Variants in CAST observed in about 807,000 individuals in gnomAD.
CAST encodes the protein MIR583 host.
CAST carries 76 observed loss-of-function variants against 119.6 expected under a neutral mutation model. The observed-to-expected ratio is 0.64, with a 90% CI of 0.53 to 0.77. The LOEUF is 0.77. CAST is among the 30% of genes least tolerant of loss of function. The pLI, the probability that CAST is intolerant of heterozygous loss-of-function variation, is 0.00. For synonymous variants in CAST, 319 were observed against 331.6 expected (o/e 0.96, Z 0.41); for missense variants, 953 against 946.5 (o/e 1.01, Z -0.09).
At chr5:96,267,022 G>A in the CAST span, among the ~76,000 whole-genome samples, 3 of 152,304 alleles carry the variant, frequency 2.0e-5, no homozygotes, top group South Asian at 4.1e-4. Flanking sequence ...AAATGCATTT[G>A]CTGAACTGAA....
chr5:96,465,350 AATG>A, the CAST span, among the ~76,000 whole-genome samples: 1 of 152,106 alleles, frequency 6.6e-6, no homozygotes, highest in Non-Finnish European at 1.5e-5. Context: ...ATGTACAAAT[AATG>A]ATAATTTTGG....
chr5:96,076,106 T>A, the CAST span, among the ~76,000 whole-genome samples: 5 of 152,164 alleles, frequency 3.3e-5, no homozygotes, highest in Non-Finnish European at 2.9e-5. Context: ...TAGGTCAAGA[T>A]GGTCTGTTTT....
Position 96,549,251 on chromosome 5 carries a change from C to A in CAST, c.60+19371C>A, listed in dbSNP as rs140033036. Among the ~76,000 whole-genome samples the A allele has an allele frequency of 3.0e-3, 462 of 152,184 alleles. 1 individual carries two copies. Among genetic ancestry groups the A allele is most frequent in the African/African-American group, 0.011 (442 of 41,526 alleles). On this transcript the variant is annotated intron_variant, in intron 1 of 11. Transcript: ENST00000505143. ...ATGGACCAAAATTTCGAAATAGACT[C>A]AAAGGTATGTTGGCATTTGGCATAC... is the stretch of plus-strand genomic sequence containing the variant.
the CAST span, among the ~76,000 whole-genome samples, chr5:96,101,327 A>G: frequency 6.6e-6 from 1 of 152,336 alleles, no homozygotes; most frequent in South Asian, 2.1e-4. Context: ...AATAGTATTT[A>G]CCTTACAGAA....
chr5:96,691,127 G>C (rs1752678999), intron 2 of CAST, among the ~76,000 whole-genome samples: 1 of 152,104 alleles, frequency 6.6e-6, no homozygotes, highest in Non-Finnish European at 1.5e-5. Context: ...TACTTGATCT[G>C]CAATGCCAAT....
chr5:96,462,753 G>A, the CAST span, among the ~76,000 whole-genome samples: 1 of 152,076 alleles, frequency 6.6e-6, no homozygotes, highest in African/African-American at 2.4e-5. Context: ...TGTGTCAAGG[G>A]ACAAACCTGG....
chr5:95,976,227 CTTAAAAATA>C, the CAST span, among the ~76,000 whole-genome samples: 1 of 151,420 alleles, frequency 6.6e-6, no homozygotes, highest in African/African-American at 2.4e-5. Flanking sequence ...ACATCAACCA[CTTAAAAATA>C]TTTTTGGACA....
chr5:96,260,443 C>T, the CAST span, among the ~76,000 whole-genome samples: 1 of 152,188 alleles, frequency 6.6e-6, no homozygotes, highest in Non-Finnish European at 1.5e-5. Context: ...GTGAACCACT[C>T]ACTCACCCCT....
the CAST span, among the ~76,000 whole-genome samples, chr5:96,020,943 A>C: frequency 6.7e-6 from 1 of 150,118 alleles, no homozygotes; most frequent in East Asian, 2.0e-4. Context: ...CATTTGTTTC[A>C]CATTCTATTT....
chr5:96,506,615 G>C, the CAST span, among the ~76,000 whole-genome samples: 2 of 152,114 alleles, frequency 1.3e-5, no homozygotes, highest in African/African-American at 4.8e-5. Context: ...AAGAGCTAAT[G>C]TGGGAAAGTA....
At chr5:96,213,026 G>A in the CAST span, among the ~76,000 whole-genome samples, 1 of 152,288 alleles carries the variant, frequency 6.6e-6, no homozygotes, top group Non-Finnish European at 1.5e-5. Context: ...GGCTGAGGCA[G>A]GAGGATTGCT....
chr5:96,152,154 G>A, the CAST span, among the ~76,000 whole-genome samples: 1 of 152,154 alleles, frequency 6.6e-6, no homozygotes, highest in African/African-American at 2.4e-5. Context: ...CAAAGTAATC[G>A]AGGTAAGATG....
chr5:96,177,970 A>G, the CAST span, among the ~76,000 whole-genome samples: 12 of 152,248 alleles, frequency 7.9e-5, no homozygotes. Context: ...CAATTGACAT[A>G]AAATATATCT....
chr5:96,380,281 T>A, the CAST span, among the ~76,000 whole-genome samples: 14 of 152,306 alleles, frequency 9.2e-5, no homozygotes, highest in Admixed American at 4.6e-4. Context: ...CATAATTTTT[T>A]AAAAAATTCC....
the CAST span, among the ~76,000 whole-genome samples, chr5:96,158,522 G>A: frequency 6.6e-6 from 1 of 152,086 alleles, no homozygotes; most frequent in African/African-American, 2.4e-5. Context: ...TTAAAGTCGG[G>A]GGGAGGACAG....
At chr5:96,379,334 A>T in the CAST span, among the ~76,000 whole-genome samples, 2 of 152,126 alleles carry the variant, frequency 1.3e-5, no homozygotes, top group African/African-American at 4.8e-5. Context: ...TGCTATTTCT[A>T]TTTCTTGTTT....
the CAST span, among the ~76,000 whole-genome samples, chr5:96,199,614 C>G: frequency 2.0e-5 from 3 of 151,896 alleles, no homozygotes; most frequent in Non-Finnish European, 4.4e-5. Flanking sequence ...ACATATTACA[C>G]AATAAGAAAA....
upstream of CAST, among the ~76,000 whole-genome samples, chr5:96,657,461 G>T (rs935495177): frequency 6.6e-6 from 1 of 152,176 alleles, no homozygotes; most frequent in Non-Finnish European, 1.5e-5. Flanking sequence ...TTTTGAGTGG[G>T]AGGGAGTAGG....
chr5:96,157,130 G>A, the CAST span, among the ~76,000 whole-genome samples: 2 of 152,246 alleles, frequency 1.3e-5, no homozygotes, highest in Non-Finnish European at 2.9e-5. Flanking sequence ...AACTGTCAAG[G>A]TCAAGAATTT....
Sources: gnomAD v4.1 joint callset for allele counts (sites outside exome capture counted in the v4.1 genomes callset) on GRCh38, gnomAD v4.1.1 for gene constraint, MANE v1.5 for transcripts, NCBI Gene and HGNC (gene_info 2026-07-23, HGNC 2026-07-21) for gene names.